Variants in DNAH8 observed in about 807,000 individuals in gnomAD.
DNAH8 encodes dynein axonemal heavy chain 8, also known as axonemal beta dynein heavy chain 8.
DNAH8 carries 382 observed loss-of-function variants against 562.1 expected under a neutral mutation model. The observed-to-expected ratio is 0.68, with a 90% CI of 0.63 to 0.74. The LOEUF (loss-of-function observed/expected upper bound fraction) is 0.74, where lower values mean the gene tolerates loss of function less well. Ranked by LOEUF, DNAH8 falls within the 30% of genes least tolerant of loss-of-function variation. The pLI, the probability that DNAH8 is intolerant of heterozygous loss-of-function variation, is 0.00. For missense variants in DNAH8, 5,203 were observed against 5,620.4 expected (o/e 0.93, Z 2.37); for synonymous variants, 1,881 against 1,919.4 (o/e 0.98, Z 0.52).
chr6:38,870,563 G>A lies in DNAH8; in HGVS notation c.6990+1G>A. The A allele has an allele frequency of 1.2e-6, 2 of 1,612,704 alleles. No individual in the cohort carries two copies. The highest frequency in any genetic ancestry group is 1.7e-6 in the Non-Finnish European group (2 of 1,179,266). ...ACCCTGGAACCTGAAACTCGTGCAG[G>A]TAAAGACATTTTAATCTATTATTAG... On this transcript the variant is annotated splice_donor_variant, in intron 49 of 92. Transcript: ENST00000327475. LOFTEE classifies it high-confidence loss of function.
Position 38,807,717 on chromosome 6 carries a change from G to T in DNAH8, c.3257+1G>T. On this transcript the variant is annotated splice_donor_variant, in intron 24 of 92. Coordinates refer to ENST00000327475, the MANE Select transcript of DNAH8 (RefSeq NM_001206927.2). LOFTEE classifies it high-confidence loss of function. ...TGAAAAGAAGAATATTTGTTGCAAGGCAAGTTGAAAATATGCTAATTATGT... is the reference window on the plus strand; with the variant it reads ...TGAAAAGAAGAATATTTGTTGCAAGTCAAGTTGAAAATATGCTAATTATGT... The T allele has an allele frequency of 6.7e-7, 1 of 1,495,258 alleles. No homozygotes were observed. The allele number at this position is 1,495,258 out of a possible 1,614,324, so 92.6% of individuals were successfully genotyped here.
At chr6:38,855,127 C>CT (rs1232557903) in intron 41 of DNAH8, among the ~76,000 whole-genome samples, 1 of 151,338 alleles carries the variant, frequency 6.6e-6, no homozygotes, top group Non-Finnish European at 1.5e-5. Flanking sequence ...ACTGAAATCT[C>CT]TAACTATCAA....
chr6:38,814,052 A>T lies in DNAH8; in HGVS notation c.3258-2A>T. The T allele has an allele frequency of 6.3e-7, 1 of 1,585,306 alleles. No individual in the cohort carries two copies. Among genetic ancestry groups the T allele is most frequent in the Non-Finnish European group, 8.6e-7 (1 of 1,156,842 alleles). The stretch of plus-strand genomic sequence containing the variant: ...ATCAGCTAAATGTCCATCTCATTGC[A>T]GCCTTTATGGGCGAAAGCAGTCAGA... On this transcript the variant is annotated splice_acceptor_variant, in intron 24 of 92. Transcript: ENST00000327475. LOFTEE classifies it high-confidence loss of function.
intron 56 of DNAH8, among the ~76,000 whole-genome samples, chr6:38,885,171 C>T (rs979422803): frequency 2.6e-5 from 4 of 152,118 alleles, no homozygotes; most frequent in Admixed American, 6.5e-5. Context: ...TAAGCTGAAG[C>T]GCTCCTGAAT....
At chr6:38,945,402 A>T in intron 79 of DNAH8, 65 bp from the exon 80 acceptor site, 2 of 1,534,418 alleles carry the variant, frequency 1.3e-6, no homozygotes, top group Non-Finnish European at 1.8e-6. Flanking sequence ...TATTATTTGA[A>T]AAGTACATTT....
At chr6:38,718,439 G>A (rs1015336645) in intron 1 of DNAH8, among the ~76,000 whole-genome samples, 5 of 152,056 alleles carry the variant, frequency 3.3e-5, no homozygotes, top group African/African-American at 7.2e-5. Context: ...TACCTGCCAA[G>A]CAATATTTGA....
intron 30 of DNAH8, among the ~76,000 whole-genome samples, chr6:38,829,436 A>T (rs1773646352): frequency 2.6e-5 from 4 of 152,154 alleles, no homozygotes; most frequent in Admixed American, 2.6e-4. Context: ...ATTTACTGCC[A>T]TGTTTTCTTA....
At chr6:39,027,883 A>G (rs997427319) in intron 92 of DNAH8, among the ~76,000 whole-genome samples, 1 of 152,168 alleles carries the variant, frequency 6.6e-6, no homozygotes. Flanking sequence ...AAATGTGATC[A>G]TTTAGGTGTG....
At chr6:38,738,350 G>C (rs750364435) in intron 7 of DNAH8, among the ~76,000 whole-genome samples, 1 of 152,302 alleles carries the variant, frequency 6.6e-6, no homozygotes, top group Non-Finnish European at 1.5e-5. Flanking sequence ...CCTCTTGTTC[G>C]ATCAGTGGAG....
At chr6:38,733,778 G>T (rs560868256) in intron 4 of DNAH8, among the ~76,000 whole-genome samples, 56 of 152,054 alleles carry the variant, frequency 3.7e-4, no homozygotes, top group Non-Finnish European at 7.5e-4. Context: ...AGGCATGATG[G>T]CGCGTGCTTG....
At chr6:38,973,852 A>G (rs1388351987) in intron 84 of DNAH8, 39 bp downstream of exon 84, 2 of 1,526,344 alleles carry the variant, frequency 1.3e-6, no homozygotes, top group Admixed American at 1.9e-5. Context: ...AGTCATAGTA[A>G]TAAAGATGAC....
At chr6:38,952,840 C>T (rs750298907) in intron 82 of DNAH8, among the ~76,000 whole-genome samples, 4 of 152,220 alleles carry the variant, frequency 2.6e-5, no homozygotes, top group Non-Finnish European at 5.9e-5. Flanking sequence ...GGTTAAGTCT[C>T]ATTCGCTATC....
At position 38,899,820 on chromosome 6, in the gene DNAH8, G is replaced by T. The variant is rs1561836665; in HGVS notation, c.9108G>T (p.Val3036=). ...CGTCGTGTGGAAATGCATTGCTGGT[G>T]GGTGTTGGTGGTTCCGGAAAACAAA... ...IRTSCGNALL[V]GVGGSGKQSL... Residue 3036 remains valine, a synonymous_variant, in exon 62 of 93, where the codon GTG becomes GTT. Coordinates refer to ENST00000327475, the MANE Select transcript of DNAH8 (RefSeq NM_001206927.2). The T allele has an allele frequency of 6.2e-7, 1 of 1,613,150 alleles. No homozygotes were observed. Among genetic ancestry groups the T allele is most frequent in the Non-Finnish European group, 8.5e-7 (1 of 1,179,638 alleles).
intron 75 of DNAH8, among the ~76,000 whole-genome samples, chr6:38,930,390 A>G (rs1583386453): frequency 2.0e-5 from 3 of 151,946 alleles, no homozygotes; most frequent in African/African-American, 7.2e-5. Context: ...GTATCAGTGA[A>G]TAAGTAAAAA....
chr6:38,720,417 G>C (rs142924160), intron 1 of DNAH8, among the ~76,000 whole-genome samples: 28 of 152,244 alleles, frequency 1.8e-4, no homozygotes, highest in Non-Finnish European at 4.1e-4. Context: ...TGAACCCCTA[G>C]CCAGCATTCC....
chr6:38,770,150 A>G (rs1021073753), intron 11 of DNAH8, among the ~76,000 whole-genome samples: 1 of 151,590 alleles, frequency 6.6e-6, no homozygotes, highest in African/African-American at 2.4e-5. Context: ...TAATTTCTGG[A>G]CCTCTTGGGA....
chr6:38,873,066 G>C lies in DNAH8; in HGVS notation c.7398G>C (p.Glu2466Asp). Reference sequence around the variant, plus strand: ...TTCTGTTTGAAGTCCACAATATCGAGAACGCCTCTCCTGCCACGGTTTCTA... The same window carrying C: ...TTCTGTTTGAAGTCCACAATATCGACAACGCCTCTCCTGCCACGGTTTCTA... Reference protein sequence around the residue: ...CKLLFEVHNIENASPATVSRM... With the variant: ...CKLLFEVHNIDNASPATVSRM... The change falls in exon 51 of 93, where the codon GAG becomes GAC. Residue 2466 changes from glutamate to aspartate, a missense_variant. Glu to Asp is a conservative substitution (Grantham distance 45). Around this residue, in one of 6 missense-constraint regions of DNAH8, gnomAD observed 977 missense variants for 1,061.8 expected, o/e 0.92. Transcript: ENST00000327475. The C allele has an allele frequency of 1.2e-6, 2 of 1,614,058 alleles. No homozygotes were observed. The highest frequency in any genetic ancestry group is 1.7e-6 in the Non-Finnish European group (2 of 1,179,988).
At chr6:38,940,535 T>C (rs1332011) in intron 79 of DNAH8, among the ~76,000 whole-genome samples, 18,872 of 152,138 alleles carry the variant, frequency 0.12, 1,406 homozygotes, top group East Asian at 0.3. Context: ...ATGTTACCTC[T>C]CCAACGTGCT....
intron 80 of DNAH8, among the ~76,000 whole-genome samples, chr6:38,947,602 G>T (rs1316313687): frequency 6.6e-6 from 1 of 152,180 alleles, no homozygotes; most frequent in African/African-American, 2.4e-5. Flanking sequence ...GGAGGCCTGT[G>T]GGGGACACTG....
Sources: gnomAD v4.1 joint callset for allele counts (sites outside exome capture counted in the v4.1 genomes callset) on GRCh38, gnomAD v4.1.1 for gene constraint, gnomAD v4.1.1 regional missense constraint, MANE v1.5 for transcripts, NCBI Gene and HGNC (gene_info 2026-07-23, HGNC 2026-07-21) for gene names.